Variants in VAV2 observed in about 807,000 individuals in gnomAD.
VAV2 encodes the protein vav guanine nucleotide exchange factor 2.
VAV2 carries 67 observed loss-of-function variants against 132.5 expected under a neutral mutation model. That is an observed-to-expected ratio of 0.51 (90% CI 0.42 to 0.62). The LOEUF (loss-of-function observed/expected upper bound fraction) is 0.62. Among genes scored for constraint, VAV2 ranks in the 20% least tolerant of loss-of-function variants. The pLI is 0.00. For synonymous variants in VAV2, 492 were observed against 443.5 expected, an observed-to-expected ratio of 1.11 and a Z score of -1.37; for missense variants, 938 against 1,153.6, an observed-to-expected ratio of 0.81 and a Z score of 2.71.
Position 133,768,428 on chromosome 9 carries a change from G to T in VAV2, c.2589+14C>A, listed in dbSNP as rs936853744. The T allele has an allele frequency of 6.2e-7, 1 of 1,611,086 alleles. No homozygotes were observed. The highest frequency in any genetic ancestry group is 2.2e-5 in the East Asian group (1 of 44,848). On this transcript the variant is annotated intron_variant, in intron 29 of 29. Coordinates refer to ENST00000371850, the MANE Select transcript of VAV2 (RefSeq NM_001134398.2). This position sits in a 1 kb window ranked among gnomAD's most constrained non-coding sequence, Gnocchi z 5.3. ...GCGAGGCCAGCCCCACACCCTCAGGGTGGGGCCACTCACCCGTCCGTTGGT... is the reference window on the plus strand; with the variant it reads ...GCGAGGCCAGCCCCACACCCTCAGGTTGGGGCCACTCACCCGTCCGTTGGT...
rs556202333 is a variant in VAV2 at position 133,990,813 on chromosome 9, G to A, written c.204+1262C>T. ...GCACCTGACCACTGACATCCTGCGG[G>A]AAGAGGCGCTGGCTCCCAGGGAGGC... On this transcript the variant is annotated intron_variant, in intron 1 of 29. Transcript: ENST00000371850. Among the ~76,000 whole-genome samples, 6 of 152,320 alleles carry A rather than the reference G, an allele frequency of 3.9e-5. No individual in the cohort carries two copies. In the South Asian group the frequency reaches 1.0e-3, roughly 26 times the overall value.
chr9:133,763,881 G>A lies in VAV2; in HGVS notation c.*181C>T. ...AGCATACCCAGTGATGGGTCGCCGA[G>A]GGCAGGCTGACAGTGAAACGGTTCG... On this transcript the variant is annotated 3_prime_UTR_variant, in exon 30 of 30. Coordinates refer to ENST00000371850, the MANE Select transcript of VAV2 (RefSeq NM_001134398.2). This position sits in a 1 kb window ranked among gnomAD's most constrained non-coding sequence, Gnocchi z 6.8. 1 of 718,248 alleles carries A rather than the reference G, an allele frequency of 1.4e-6. No individual in the cohort carries two copies. Among genetic ancestry groups the A allele is most frequent in the Non-Finnish European group, 2.3e-6 (1 of 429,268 alleles). The allele number at this position is 718,248 out of a possible 1,614,324, so 44.5% of individuals were successfully genotyped here.
Position 133,804,347 on chromosome 9 carries a change from C to T in VAV2, c.836+1734G>A, listed in dbSNP as rs1001269592. 3.3e-5 allele frequency among the ~76,000 whole-genome samples: 5 copies of T among 152,224 alleles called. No individual in the cohort carries two copies. Among genetic ancestry groups the T allele is most frequent in the Admixed American group, 6.5e-5 (1 of 15,288 alleles). ...CCTCGCTGCCAGGGACGGAGCTGCC[C>T]GTCCACAGAGCTCTTGGGCTGGGCC... On this transcript the variant is annotated intron_variant, in intron 9 of 29. Transcript: ENST00000371850. This position sits in a 1 kb window ranked among gnomAD's most constrained non-coding sequence, Gnocchi z 4.5.
intron 1 of VAV2, among the ~76,000 whole-genome samples, chr9:133,977,956 G>A (rs1405683471): frequency 9.6e-6 from 1 of 103,700 alleles, no homozygotes; most frequent in Non-Finnish European, 1.9e-5. Flanking sequence ...CCCTGCCTCT[G>A]GAGATGTCCT....
intron 1 of VAV2, among the ~76,000 whole-genome samples, chr9:133,960,209 G>A (rs370359883): frequency 1.3e-5 from 2 of 152,210 alleles, no homozygotes; most frequent in South Asian, 2.1e-4. Context: ...GCAAGACAAC[G>A]CGTTCCCAAA....
chr9:133,882,982 GC>G (rs879619365), intron 2 of VAV2, among the ~76,000 whole-genome samples: 2 of 152,138 alleles, frequency 1.3e-5, no homozygotes, highest in African/African-American at 2.4e-5. Context: ...TTCCCCAGAG[GC>G]CTCTGGCACC....
At chr9:133,902,137 A>G (rs764235535) in intron 2 of VAV2, among the ~76,000 whole-genome samples, 14 of 151,960 alleles carry the variant, frequency 9.2e-5, no homozygotes, top group Non-Finnish European at 1.8e-4. Context: ...ACCCAATTTA[A>G]GGCCAGGCCC....
At chr9:133,927,287 G>A (rs892690131) in intron 2 of VAV2, among the ~76,000 whole-genome samples, 9 of 152,178 alleles carry the variant, frequency 5.9e-5, no homozygotes, top group Admixed American at 2.6e-4. Flanking sequence ...GCTGAGCCTC[G>A]GGACCCTTCT....
rs1233709184 is a variant in VAV2 at position 133,763,479 on chromosome 9, G to C, written c.*583C>G. 1 of 152,890 alleles carries C rather than the reference G, an allele frequency of 6.5e-6. No individual in the cohort carries two copies. The highest frequency in any genetic ancestry group is 1.5e-5 in the Non-Finnish European group (1 of 68,360). 9.5% of individuals were successfully genotyped at this position (152,890 alleles called of 1,614,324 possible). A position where few individuals can be genotyped will look rare whatever the true frequency, so the allele number is the denominator to read the frequency against. ...AGTCTTGGGAGCCAGAGTGGCTGCAGAGGGCGACCACAGTGCTCTCTCCTC... is the reference window on the plus strand; with the variant it reads ...AGTCTTGGGAGCCAGAGTGGCTGCACAGGGCGACCACAGTGCTCTCTCCTC... On this transcript the variant is annotated 3_prime_UTR_variant, in exon 30 of 30. Coordinates refer to ENST00000371850, the MANE Select transcript of VAV2 (RefSeq NM_001134398.2). This position sits in a 1 kb window ranked among gnomAD's most constrained non-coding sequence, Gnocchi z 6.8.
In VAV2 at chr9:133,824,275, A is replaced by G. The variant is rs534369998; in HGVS notation, c.449+9997T>C. ...CTCCCGACGGGGACTGGGCTTGTCT[A>G]GACCACAGGAGCGAGAAAGGCTGGA... On this transcript the variant is annotated intron_variant, in intron 4 of 29. Coordinates refer to ENST00000371850, the MANE Select transcript of VAV2 (RefSeq NM_001134398.2). This position sits in a 1 kb window ranked among gnomAD's most constrained non-coding sequence, Gnocchi z 5.2. 6.6e-6 allele frequency among the ~76,000 whole-genome samples: 1 copy of G among 152,238 alleles called. No individual in the cohort carries two copies. The highest frequency in any genetic ancestry group is 2.4e-5 in the African/African-American group (1 of 41,552).
intron 1 of VAV2, among the ~76,000 whole-genome samples, chr9:133,939,844 C>T (rs951675167): frequency 1.8e-4 from 28 of 152,230 alleles, no homozygotes; most frequent in Non-Finnish European, 2.9e-4. Flanking sequence ...TGGCAGGTGC[C>T]AACTACAGTG....
intron 2 of VAV2, among the ~76,000 whole-genome samples, chr9:133,931,275 G>C (rs929467575): frequency 1.3e-5 from 2 of 152,338 alleles, no homozygotes; most frequent in South Asian, 4.1e-4. Flanking sequence ...CTTCCAGGCA[G>C]GGGGCAGCCA....
At position 133,794,375 on chromosome 9, in the gene VAV2, G is replaced by A. The variant is rs1382250902; in HGVS notation, c.1101+1293C>T. ...GCCGAGCGGGAATCTGAAGGTCTCT[G>A]GGACCACCTCCCGTGCCCACACACG... is the stretch of plus-strand genomic sequence containing the variant. On this transcript the variant is annotated intron_variant, in intron 12 of 29. Coordinates refer to ENST00000371850, the MANE Select transcript of VAV2 (RefSeq NM_001134398.2). This position sits in a 1 kb window ranked among gnomAD's most constrained non-coding sequence, Gnocchi z 4.6. Among the ~76,000 whole-genome samples the A allele has an allele frequency of 6.6e-6, 1 of 152,124 alleles. No homozygotes were observed. Among genetic ancestry groups the A allele is most frequent in the East Asian group, 1.9e-4 (1 of 5,176 alleles).
chr9:133,899,739 G>A (rs935251541), intron 2 of VAV2, among the ~76,000 whole-genome samples: 2 of 148,840 alleles, frequency 1.3e-5, no homozygotes, highest in African/African-American at 4.9e-5. Flanking sequence ...TTAGCTGGGT[G>A]TGCCGGGCGT....
intron 26 of VAV2, among the ~76,000 whole-genome samples, chr9:133,771,564 C>T (rs754348907): frequency 1.3e-5 from 2 of 152,176 alleles, no homozygotes; most frequent in Non-Finnish European, 2.9e-5. Context: ...GGGGGTGAGT[C>T]GGAGAAGAAG....
At chr9:133,954,656 G>A (rs1312838959) in intron 1 of VAV2, among the ~76,000 whole-genome samples, 1 of 152,218 alleles carries the variant, frequency 6.6e-6, no homozygotes, top group Non-Finnish European at 1.5e-5. Context: ...GCTCGAGCAG[G>A]GCAAGGTCTG....
chr9:133,865,698 C>A (rs1405223571), intron 2 of VAV2, among the ~76,000 whole-genome samples: 1 of 152,234 alleles, frequency 6.6e-6, no homozygotes, highest in Non-Finnish European at 1.5e-5. Context: ...CCCCCTCCCA[C>A]ATGCTGATTT....
rs1835870529 is a variant in VAV2 at position 133,823,472 on chromosome 9, T to C, written c.449+10800A>G. 6.6e-6 allele frequency among the ~76,000 whole-genome samples: 1 copy of C among 152,176 alleles called. No homozygotes were observed. The highest frequency in any genetic ancestry group is 1.5e-5 in the Non-Finnish European group (1 of 68,044). On this transcript the variant is annotated intron_variant, in intron 4 of 29. Transcript: ENST00000371850. The surrounding 1 kb of genome is among the most constrained non-coding windows in gnomAD (Gnocchi z 5.5). ...ACAATAAAACCCAGCATGTGACGCT[T>C]GTTCATTTTAGAGCAATATTTCTTA...
intron 1 of VAV2, among the ~76,000 whole-genome samples, chr9:133,982,004 G>A (rs944903615): frequency 6.6e-5 from 10 of 152,230 alleles, no homozygotes; most frequent in African/African-American, 2.4e-4. Flanking sequence ...AGATACAAAT[G>A]GAACAGTAAA....
Sources: gnomAD v4.1 joint callset for allele counts (sites outside exome capture counted in the v4.1 genomes callset) on GRCh38, gnomAD v4.1.1 for gene constraint, Gnocchi (gnomAD v3.1) non-coding constraint, MANE v1.5 for transcripts, NCBI Gene and HGNC (gene_info 2026-07-23, HGNC 2026-07-21) for gene names.